The following BANP variants were observed in gnomAD, a reference collection of about 807,000 sequenced individuals.
BANP encodes the protein BTG3 associated nuclear protein.
Under a neutral mutation model 68.1 loss-of-function variants are expected in BANP, and 11 were observed. That is an observed-to-expected ratio of 0.16 (90% confidence interval 0.10 to 0.27). The LOEUF (loss-of-function observed/expected upper bound fraction) is 0.27. Among genes scored for constraint, BANP ranks in the 10% least tolerant of loss-of-function variants. The pLI, the probability that BANP is intolerant of heterozygous loss-of-function variation, is 1.00. For synonymous variants in BANP, 329 were observed against 303.2 expected, an observed-to-expected ratio of 1.09 and a Z score of -0.88; for missense variants, 504 against 722.7, an observed-to-expected ratio of 0.70 and a Z score of 3.47.
At chr16:88,007,060 G>GTGC (rs1420289534) in intron 6 of BANP, among the ~76,000 whole-genome samples, 1 of 151,620 alleles carries the variant, frequency 6.6e-6, no homozygotes, top group Non-Finnish European at 1.5e-5. Flanking sequence ...GGGTTTTTTG[G>GTGC]TGCACATTTT....
intron 6 of BANP, among the ~76,000 whole-genome samples, chr16:88,006,513 G>T (rs2071181119): frequency 1.3e-5 from 2 of 151,728 alleles, no homozygotes; most frequent in South Asian, 4.2e-4. Context: ...GGGTGTGGTG[G>T]CAGGTGCCTG....
intron 6 of BANP, among the ~76,000 whole-genome samples, chr16:88,016,077 C>T (rs534352232): frequency 6.6e-6 from 1 of 152,336 alleles, no homozygotes; most frequent in South Asian, 2.1e-4. Context: ...TGCCCCTTGC[C>T]CAGGCCCCAA....
chr16:88,068,536 A>G (rs1197896977), intron 12 of BANP, among the ~76,000 whole-genome samples: 2 of 152,280 alleles, frequency 1.3e-5, no homozygotes, highest in African/African-American at 2.4e-5. Context: ...TCTCGGGGCC[A>G]GGAGTGTGCC....
chr16:88,065,420 C>G, intron 12 of BANP, 88 bp downstream of exon 12: 1 of 652,964 alleles, frequency 1.5e-6, no homozygotes, highest in South Asian at 1.8e-5. Context: ...ACACTGGGCC[C>G]ACCTGGCCAT....
intron 10 of BANP, among the ~76,000 whole-genome samples, chr16:88,037,023 T>G (rs7404970): frequency 0.94 from 142,378 of 152,202 alleles, 67,332 homozygotes; most frequent in East Asian, 1. Context: ...CAGACAGATG[T>G]GGGCTGGGAG....
intron 8 of BANP, among the ~76,000 whole-genome samples, chr16:88,028,531 G>T (rs1413328581): frequency 1.3e-5 from 2 of 152,204 alleles, no homozygotes; most frequent in Non-Finnish European, 2.9e-5. Context: ...GGAGGTGGCT[G>T]CCTGTAGTGG....
chr16:88,035,460 C>T (rs970740202), intron 10 of BANP, 66 bp downstream of exon 10: 19 of 1,443,706 alleles, frequency 1.3e-5, no homozygotes, highest in Middle Eastern at 2.3e-4. Context: ...CGACCTTCAT[C>T]GGTGTCACAG....
intron 11 of BANP, among the ~76,000 whole-genome samples, chr16:88,056,070 C>T (rs1383833243): frequency 6.6e-6 from 1 of 152,218 alleles, no homozygotes; most frequent in African/African-American, 2.4e-5. Flanking sequence ...CTTCAGCTTC[C>T]TTGCCCTGTC....
intron 7 of BANP, among the ~76,000 whole-genome samples, chr16:88,022,148 C>T (rs2152690273): frequency 6.6e-6 from 1 of 152,336 alleles, no homozygotes; most frequent in African/African-American, 2.4e-5. Flanking sequence ...GAGCATTTTC[C>T]TAAGGAATGT....
intron 8 of BANP, among the ~76,000 whole-genome samples, chr16:88,032,582 A>T (rs1246011065): frequency 1.3e-5 from 2 of 152,374 alleles, no homozygotes; most frequent in East Asian, 3.8e-4. Context: ...ATTGAAAATT[A>T]AAAAGTTTTT....
chr16:88,006,216 C>T lies in BANP; in HGVS notation c.606C>T (p.Gly202=). Residue 202 remains glycine (G), a synonymous_variant, in exon 6 of 14, where the codon GGC becomes GGT. Transcript: ENST00000682872. ...CTGTGTCCAGCTGTGGGCAGGCGGG[C>T]AGTCAGAGCATCGGGAGCAACGTCA... ...SDSVSSCGQA[G]SQSIGSNVTL... is the part of the protein sequence containing the mutation. 1.2e-6 allele frequency: 2 copies of T among 1,613,080 alleles called. No homozygotes were observed. Among genetic ancestry groups the T allele is most frequent in the Non-Finnish European group, 1.7e-6 (2 of 1,179,540 alleles).
rs2085285084 is a variant in BANP at position 88,057,191 on chromosome 16, G to A, written c.1312-8076G>A. Among the ~76,000 whole-genome samples, 2 of 152,278 alleles carry A rather than the reference G, an allele frequency of 1.3e-5. No individual in the cohort carries two copies. Among genetic ancestry groups the A allele is most frequent in the East Asian group, 1.9e-4 (1 of 5,180 alleles). ...GGCCTGCCGTGTTGTGGTGGGGAGC[G>A]ACTTCACACAGCTGGCACGGGATGC... On this transcript the variant is annotated intron_variant, in intron 11 of 13. Transcript: ENST00000682872. This position sits in a 1 kb window ranked among gnomAD's most constrained non-coding sequence, Gnocchi z 4.6.
intron 4 of BANP, among the ~76,000 whole-genome samples, chr16:87,987,829 A>C (rs944306735): frequency 1.3e-5 from 2 of 150,374 alleles, no homozygotes; most frequent in African/African-American, 4.9e-5. Context: ...ACAGTGGTGG[A>C]ATCTTGGCTC....
At chr16:87,955,854 A>G (rs2057941860) in intron 1 of BANP, among the ~76,000 whole-genome samples, 1 of 152,134 alleles carries the variant, frequency 6.6e-6, no homozygotes, top group Non-Finnish European at 1.5e-5. Context: ...ATCATGAGAA[A>G]ATGCTGCACC....
At position 88,046,273 on chromosome 16, in the gene BANP, C is replaced by T. The variant is rs188508812; in HGVS notation, c.1311+8262C>T. Reference sequence around the variant, plus strand: ...TTTTAGAGATACTGTTTTAAAACTGCGTACTCAAAGCATTAGTTAATTAAC... The same window carrying T: ...TTTTAGAGATACTGTTTTAAAACTGTGTACTCAAAGCATTAGTTAATTAAC... On this transcript the variant is annotated intron_variant, in intron 11 of 13. Coordinates refer to ENST00000682872, the MANE Select transcript of BANP (RefSeq NM_001386991.1). Among the ~76,000 whole-genome samples the T allele has an allele frequency of 1.8e-4, 27 of 152,326 alleles. No individual in the cohort carries two copies. In the East Asian group the frequency reaches 5.0e-3, roughly 28 times the overall value.
intron 1 of BANP, among the ~76,000 whole-genome samples, chr16:87,960,346 G>A (rs569607699): frequency 6.6e-6 from 1 of 152,332 alleles, no homozygotes; most frequent in Admixed American, 6.5e-5. Flanking sequence ...CTTGGGAAGA[G>A]CCACACTTGA....
chr16:88,008,368 A>G (rs1304979972), intron 6 of BANP, among the ~76,000 whole-genome samples: 1 of 152,162 alleles, frequency 6.6e-6, no homozygotes, highest in Non-Finnish European at 1.5e-5. Flanking sequence ...GAAAGGAGGG[A>G]TGCTCCTGAT....
intron 4 of BANP, among the ~76,000 whole-genome samples, chr16:87,995,545 A>G (rs1326895210): frequency 6.6e-6 from 1 of 152,234 alleles, no homozygotes; most frequent in Non-Finnish European, 1.5e-5. Context: ...ATTCATAAAA[A>G]TTAGAAAAGT....
chr16:88,053,711 T>G (rs1378592668), intron 11 of BANP, among the ~76,000 whole-genome samples: 1 of 134,066 alleles, frequency 7.5e-6, no homozygotes, highest in Non-Finnish European at 1.5e-5. Flanking sequence ...ATCATCATCA[T>G]CACCAACACA....
Sources: gnomAD v4.1 joint callset for allele counts (sites outside exome capture counted in the v4.1 genomes callset) on GRCh38, gnomAD v4.1.1 for gene constraint, Gnocchi (gnomAD v3.1) non-coding constraint, MANE v1.5 for transcripts, NCBI Gene and HGNC (gene_info 2026-07-23, HGNC 2026-07-21) for gene names.